The following WDR47 variants were observed in gnomAD, a reference collection of about 807,000 sequenced individuals.
WDR47 encodes the protein WD repeat-containing protein 47.
In WDR47, 32 loss-of-function variants were observed where a neutral mutation model predicts 97.2. That is an observed-to-expected ratio of 0.33 (90% CI 0.25 to 0.44). The LOEUF is 0.44. WDR47 is among the 20% of genes least tolerant of loss of function. The probability of loss-of-function intolerance (pLI) is 1.00; values close to 1 mark genes in which losing one functional copy is unlikely to be tolerated. For synonymous variants in WDR47, 375 were observed against 373.5 expected, an observed-to-expected ratio of 1.00 and a Z score of -0.05; for missense variants, 782 against 1,102.3, an observed-to-expected ratio of 0.71 and a Z score of 4.11.
chr1:108,991,043 G>A (rs1006070764), intron 9 of WDR47, among the ~76,000 whole-genome samples: 4 of 151,438 alleles, frequency 2.6e-5, no homozygotes, highest in Non-Finnish European at 5.9e-5. Context: ...CTGTTGCCCA[G>A]GTTGGAGTGG....
At chr1:109,040,903 TCTACAGAGTCTC>T (rs1289468434) in intron 1 of WDR47, among the ~76,000 whole-genome samples, 7 of 152,126 alleles carry the variant, frequency 4.6e-5, no homozygotes, top group African/African-American at 1.7e-4. Flanking sequence ...TTTGAGGCAT[TCTACAGAGTCTC>T]CAACAAAGAG....
chr1:109,013,982 G>T, intron 3 of WDR47, 57 bp from the exon 4 acceptor site: 1 of 1,285,896 alleles, frequency 7.8e-7, no homozygotes, highest in Non-Finnish European at 1.1e-6. Context: ...AATATACTTA[G>T]AAGTTACTAT....
chr1:109,040,014 T>A (rs1663237221), intron 1 of WDR47, among the ~76,000 whole-genome samples: 1 of 128,644 alleles, frequency 7.8e-6, no homozygotes, highest in African/African-American at 3.1e-5. Flanking sequence ...CCAGCCTGGA[T>A]GACAGAGTGA....
intron 9 of WDR47, among the ~76,000 whole-genome samples, chr1:108,990,319 G>A (rs1161089586): frequency 2.0e-5 from 3 of 151,730 alleles, no homozygotes; most frequent in Non-Finnish European, 1.5e-5. Flanking sequence ...AGCAATTCTC[G>A]TGCCTCAGCC....
chr1:109,002,705 T>C (rs183556340), intron 6 of WDR47, among the ~76,000 whole-genome samples: 57 of 152,254 alleles, frequency 3.7e-4, no homozygotes, highest in African/African-American at 1.2e-3. Context: ...AGAAAATGAA[T>C]GTAGATAAAG....
intron 13 of WDR47, 75 bp downstream of exon 13, chr1:108,981,658 T>C (rs1206425954): frequency 6.4e-6 from 9 of 1,413,956 alleles, no homozygotes; most frequent in Non-Finnish European, 8.6e-6. Context: ...TTTTTTATAT[T>C]GCAGGGGAGA....
intron 2 of WDR47, among the ~76,000 whole-genome samples, chr1:109,021,854 A>G (rs959932498): frequency 1.3e-5 from 2 of 151,446 alleles, no homozygotes; most frequent in African/African-American, 4.8e-5. Flanking sequence ...TATTTAATTT[A>G]TTATTTATTT....
intron 7 of WDR47, among the ~76,000 whole-genome samples, chr1:108,999,692 AG>A (rs1334949249): frequency 6.6e-6 from 1 of 151,984 alleles, no homozygotes; most frequent in Non-Finnish European, 1.5e-5. Context: ...AAAAAAAAAA[AG>A]AATTTAAATT....
chr1:109,007,070 T>C (rs1660680045), intron 5 of WDR47, among the ~76,000 whole-genome samples: 1 of 151,938 alleles, frequency 6.6e-6, no homozygotes, highest in African/African-American at 2.4e-5. Context: ...CCCAAGTAGC[T>C]GTGACTACAG....
At chr1:109,035,463 T>C (rs1463132931) in intron 1 of WDR47, among the ~76,000 whole-genome samples, 76 of 152,048 alleles carry the variant, frequency 5.0e-4, no homozygotes, top group Non-Finnish European at 1.8e-4. Flanking sequence ...ACTTGTATGT[T>C]AATACATGCA....
intron 8 of WDR47, among the ~76,000 whole-genome samples, chr1:108,994,742 A>G (rs1158495854): frequency 6.6e-6 from 1 of 152,244 alleles, no homozygotes; most frequent in Non-Finnish European, 1.5e-5. Flanking sequence ...AAAAACAAAA[A>G]TTAAATTTTA....
At chr1:108,993,212 C>A (rs1362535084) in intron 8 of WDR47, among the ~76,000 whole-genome samples, 3 of 151,802 alleles carry the variant, frequency 2.0e-5, no homozygotes, top group Admixed American at 2.0e-4. Context: ...GTAGTCCCAG[C>A]TAGTAGGGTA....
intron 4 of WDR47, among the ~76,000 whole-genome samples, chr1:109,013,009 G>A (rs1239381506): frequency 6.6e-6 from 1 of 152,120 alleles, no homozygotes; most frequent in Non-Finnish European, 1.5e-5. Context: ...CAAGGTAATG[G>A]TATTGGAAAA....
At chr1:108,989,104 G>A (rs1042734323) in intron 9 of WDR47, among the ~76,000 whole-genome samples, 1 of 152,094 alleles carries the variant, frequency 6.6e-6, no homozygotes, top group Non-Finnish European at 1.5e-5. Context: ...TCTCTCTTCT[G>A]AAGAGAGATG....
chr1:109,009,839 A>C (rs1660898924), intron 5 of WDR47, among the ~76,000 whole-genome samples: 1 of 152,086 alleles, frequency 6.6e-6, no homozygotes, highest in South Asian at 2.1e-4. Flanking sequence ...CTCTACTAAA[A>C]ATACAAAAAT....
At chr1:109,025,227 C>A (rs1662120608) in intron 1 of WDR47, among the ~76,000 whole-genome samples, 2 of 151,014 alleles carry the variant, frequency 1.3e-5, no homozygotes, top group Admixed American at 6.6e-5. Context: ...CACATGAGCC[C>A]AGGAGTGCGA....
At chr1:109,035,880 G>C (rs1662910171) in intron 1 of WDR47, among the ~76,000 whole-genome samples, 1 of 150,440 alleles carries the variant, frequency 6.6e-6, no homozygotes, top group South Asian at 2.1e-4. Context: ...AGTTGCTATT[G>C]CCGGGCCTGT....
At chr1:108,979,077 G>A (rs1658144153) in intron 13 of WDR47, among the ~76,000 whole-genome samples, 1 of 152,172 alleles carries the variant, frequency 6.6e-6, no homozygotes, top group African/African-American at 2.4e-5. Flanking sequence ...AGCAGAGGAG[G>A]AGAGATACAG....
chr1:108,980,497 G>A (rs1377229218), intron 13 of WDR47, among the ~76,000 whole-genome samples: 2 of 152,122 alleles, frequency 1.3e-5, no homozygotes, highest in Admixed American at 6.6e-5. Flanking sequence ...GGGAGGTGGA[G>A]GCAGGTAGAT....
Sources: allele counts gnomAD v4.1 joint callset (sites outside exome capture counted in the v4.1 genomes callset), GRCh38; gene constraint gnomAD v4.1.1; transcripts MANE v1.5; gene names NCBI Gene and HGNC (gene_info 2026-07-23, HGNC 2026-07-21).